The following DCBLD1 variants were observed in gnomAD, a reference collection of about 807,000 sequenced individuals.
The protein encoded by DCBLD1 is discoidin, CUB and LCCL domain containing 1.
DCBLD1 carries 57 observed loss-of-function variants against 71.5 expected under a neutral mutation model. The observed-to-expected ratio is 0.80, with a 90% CI of 0.64 to 0.99. The LOEUF is 0.99. DCBLD1 is among the 50% of genes least tolerant of loss of function. The pLI is 0.00. For synonymous variants in DCBLD1, 380 were observed against 363.8 expected (o/e 1.04, Z -0.51); for missense variants, 891 against 923.5 (o/e 0.96, Z 0.46).
rs185488961 is a variant in DCBLD1, at chr6:117,533,124, G to C, written c.719+731G>C. On this transcript the variant is annotated intron_variant, in intron 6 of 14. Coordinates refer to ENST00000338728, the MANE Select transcript of DCBLD1 (RefSeq NM_001366458.2). ...CTCCTGGAGTGGAAACCTAGTGAGA[G>C]AAAAGTGCTCCTTGAGCCACTGTAT... Among the ~76,000 whole-genome samples the C allele has an allele frequency of 8.5e-5, 13 of 152,302 alleles. No individual in the cohort carries two copies. In the East Asian group the frequency reaches 2.5e-3, roughly 29 times the overall value.
At chr6:117,485,045 A>G (rs1487961838) in intron 1 of DCBLD1, 1 of 152,236 alleles carries the variant, frequency 6.6e-6, no homozygotes. Context: ...CTAAAGGTAC[A>G]TATTTACATA....
At chr6:117,559,465 A>AAT (rs1779542374) in intron 14 of DCBLD1, among the ~76,000 whole-genome samples, 1 of 152,170 alleles carries the variant, frequency 6.6e-6, no homozygotes, top group Admixed American at 6.5e-5. Context: ...TCCCTGTCAT[A>AAT]ATCAGTCACT....
At chr6:117,500,556 A>G (rs1253601142) in intron 1 of DCBLD1, among the ~76,000 whole-genome samples, 3 of 152,138 alleles carry the variant, frequency 2.0e-5, no homozygotes, top group Admixed American at 6.5e-5. Context: ...AAGAAATACA[A>G]TTACAGGGCT....
downstream of DCBLD1, among the ~76,000 whole-genome samples, chr6:117,552,082 G>A (rs923918839): frequency 1.3e-5 from 2 of 152,192 alleles, no homozygotes; most frequent in Admixed American, 1.3e-4. Flanking sequence ...ATCACGCCAC[G>A]GCACTCCAGC....
intron 1 of DCBLD1, chr6:117,503,502 T>G: frequency 2.3e-6 from 1 of 434,342 alleles, no homozygotes; most frequent in Non-Finnish European, 4.1e-6. Context: ...AAAATAATGA[T>G]TAAATGATTT....
At chr6:117,566,053 G>A (rs1283551134) in intron 14 of DCBLD1, among the ~76,000 whole-genome samples, 1 of 152,036 alleles carries the variant, frequency 6.6e-6, no homozygotes, top group Non-Finnish European at 1.5e-5. Flanking sequence ...AGCAAAATTG[G>A]TATCTTCTTC....
intron 6 of DCBLD1, among the ~76,000 whole-genome samples, chr6:117,532,742 T>C (rs1778766434): frequency 1.3e-5 from 2 of 152,196 alleles, no homozygotes; most frequent in South Asian, 4.1e-4. Context: ...TCCAATGTTA[T>C]CATCATCTGA....
intron 3 of DCBLD1, among the ~76,000 whole-genome samples, chr6:117,520,384 G>A (rs1235457083): frequency 6.6e-6 from 1 of 152,184 alleles, no homozygotes; most frequent in Non-Finnish European, 1.5e-5. Context: ...ATATGGGATA[G>A]GATTCATCTC....
chr6:117,569,280 G>A (rs145235330), intron 14 of DCBLD1, among the ~76,000 whole-genome samples: 96 of 152,256 alleles, frequency 6.3e-4, no homozygotes, highest in African/African-American at 2.2e-3. Flanking sequence ...TACTTTATAT[G>A]TATTAACATA....
At chr6:117,515,784 G>A (rs1353200712) in intron 2 of DCBLD1, among the ~76,000 whole-genome samples, 1 of 152,060 alleles carries the variant, frequency 6.6e-6, no homozygotes, top group Non-Finnish European at 1.5e-5. Context: ...ATTTAAAAGT[G>A]ACACGATTAA....
chr6:117,487,096 G>T (rs62433110), intron 1 of DCBLD1, among the ~76,000 whole-genome samples: 2 of 152,090 alleles, frequency 1.3e-5, no homozygotes, highest in African/African-American at 2.4e-5. Flanking sequence ...ACCCGTCCCT[G>T]TTGCCAAAAA....
At chr6:117,534,745 ATATATTT>A (rs1456911430) in intron 6 of DCBLD1, among the ~76,000 whole-genome samples, 1 of 150,196 alleles carries the variant, frequency 6.7e-6, no homozygotes, top group Non-Finnish European at 1.5e-5. Context: ...TACATATATA[ATATATTT>A]TATATAATTT....
chr6:117,540,697 C>T lies in DCBLD1; in HGVS notation c.1131C>T (p.Asp377=). 1.2e-6 allele frequency: 2 copies of T among 1,614,128 alleles called. No homozygotes were observed. The highest frequency in any genetic ancestry group is 1.7e-6 in the Non-Finnish European group (2 of 1,180,030). The part of the protein sequence containing the change: ...KVFQGNSNFR[D]PVQNNFIPPI... ...TTCAGGGTAACTCTAACTTTCGGGA[C>T]CCAGTGCAAAACAATTTCATCCCTC... is the stretch of plus-strand genomic sequence containing the variant. Residue 377 remains aspartate, a synonymous_variant, in exon 10 of 15, where the codon GAC becomes GAT. Coordinates refer to ENST00000338728, the MANE Select transcript of DCBLD1 (RefSeq NM_001366458.2).
chr6:117,511,953 GTTTGT>G (rs1325752448), intron 2 of DCBLD1, among the ~76,000 whole-genome samples: 1 of 152,084 alleles, frequency 6.6e-6, no homozygotes. Context: ...CTTTTTCTTT[GTTTGT>G]TTTATTTTGC....
At chr6:117,495,322 A>G (rs1428353240) in intron 1 of DCBLD1, among the ~76,000 whole-genome samples, 6 of 152,214 alleles carry the variant, frequency 3.9e-5, no homozygotes, top group African/African-American at 1.2e-4. Flanking sequence ...AATTTGGACA[A>G]AGTCAGCTAA....
intron 6 of DCBLD1, among the ~76,000 whole-genome samples, chr6:117,535,324 CCTT>C (rs530291601): frequency 3.2e-4 from 49 of 152,264 alleles, no homozygotes; most frequent in African/African-American, 1.2e-3. Context: ...GAAGTGAAAA[CCTT>C]CTTTCTGTTT....
At chr6:117,559,511 T>C (rs117133501) in intron 14 of DCBLD1, among the ~76,000 whole-genome samples, 1,981 of 152,234 alleles carry the variant, frequency 0.013, 18 homozygotes, top group Non-Finnish European at 0.02. Context: ...AGCCTCACCA[T>C]GTACACAGGG....
In DCBLD1 at chr6:117,548,158, G is replaced by A. The variant is rs1408492823; in HGVS notation, c.1867G>A (p.Val623Ile). ...GTTCTCTGCGCAGAGCGGCTACCGCGTCCCAGGGCCCCAGCCCGGCCACAA... is the reference window on the plus strand; with the variant it reads ...GTTCTCTGCGCAGAGCGGCTACCGCATCCCAGGGCCCCAGCCCGGCCACAA... ...HTFSAQSGYR[V>I]PGPQPGHKHS... is the part of the protein sequence containing the mutation. Residue 623 changes from valine to isoleucine, a missense_variant, in exon 15 of 15, where the codon GTC (valine) becomes ATC (isoleucine). Coordinates refer to ENST00000338728, the MANE Select transcript of DCBLD1 (RefSeq NM_001366458.2). The A allele has an allele frequency of 3.2e-6, 5 of 1,550,162 alleles. No individual in the cohort carries two copies. Among genetic ancestry groups the A allele is most frequent in the East Asian group, 2.4e-5 (1 of 40,898 alleles).
At chr6:117,557,547 G>A (rs1779510211) in intron 14 of DCBLD1, among the ~76,000 whole-genome samples, 1 of 152,124 alleles carries the variant, frequency 6.6e-6, no homozygotes, top group Non-Finnish European at 1.5e-5. Context: ...TGGATCACCT[G>A]AGGTCAGAAA....
Sources: allele counts gnomAD v4.1 joint callset (sites outside exome capture counted in the v4.1 genomes callset), GRCh38; gene constraint gnomAD v4.1.1; transcripts MANE v1.5; gene names NCBI Gene and HGNC (gene_info 2026-07-23, HGNC 2026-07-21).